Variants in RGS5 observed in about 807,000 individuals in gnomAD.
The protein encoded by RGS5 is regulator of G-protein signalling 5.
A neutral mutation model predicts 18.9 loss-of-function variants in RGS5; 20 were observed. The observed-to-expected ratio is 1.06, with a 90% CI of 0.74 to 1.54. The LOEUF (loss-of-function observed/expected upper bound fraction) is 1.54. RGS5 is among the 40% of genes most tolerant of loss of function. The pLI is 0.00. For missense variants in RGS5, 201 were observed against 211.8 expected, an observed-to-expected ratio of 0.95 and a Z score of 0.32; for synonymous variants, 57 against 76.2, an observed-to-expected ratio of 0.75 and a Z score of 1.31.
At position 163,256,649 on chromosome 1, in the gene RGS5, A is replaced by T. The variant is rs530218053; in HGVS notation, c.-281+49584T>A. On this transcript the variant is annotated intron_variant, in intron 2 of 5. Transcript: ENST00000618415. The stretch of plus-strand genomic sequence containing the variant: ...GGCAATTTGGAAATCAGTTTAAAAG[A>T]TGCTTTTCTCCTAACCTGTCATCCT... Among the ~76,000 whole-genome samples the T allele has an allele frequency of 3.3e-5, 5 of 152,340 alleles. No individual in the cohort carries two copies. In the South Asian group the frequency reaches 1.0e-3, roughly 32 times the overall value.
At chr1:163,172,196 C>T (rs577645750) in intron 1 of RGS5, among the ~76,000 whole-genome samples, 23 of 152,276 alleles carry the variant, frequency 1.5e-4, no homozygotes, top group African/African-American at 5.5e-4. Flanking sequence ...CTATACAGTA[C>T]CTAGCTTGCA....
At chr1:163,258,474 T>C (rs1648336854) in intron 2 of RGS5, among the ~76,000 whole-genome samples, 1 of 152,168 alleles carries the variant, frequency 6.6e-6, no homozygotes, top group African/African-American at 2.4e-5. Flanking sequence ...AACATTTATA[T>C]GTGATTTGGG....
intron 2 of RGS5, among the ~76,000 whole-genome samples, chr1:163,235,458 C>T (rs1462297840): frequency 6.6e-6 from 1 of 152,208 alleles, no homozygotes; most frequent in Non-Finnish European, 1.5e-5. Flanking sequence ...TTACCTCCAG[C>T]CACGGACATG....
intron 2 of RGS5, among the ~76,000 whole-genome samples, chr1:163,223,997 G>A (rs912810021): frequency 9.2e-5 from 14 of 152,128 alleles, no homozygotes; most frequent in Non-Finnish European, 4.4e-5. Context: ...TATATGTTGT[G>A]TAATGATCAA....
chr1:163,179,465 A>G (rs556306344), intron 1 of RGS5, among the ~76,000 whole-genome samples: 55 of 152,216 alleles, frequency 3.6e-4, no homozygotes, highest in Non-Finnish European at 7.2e-4. Flanking sequence ...TCCTGTGCCA[A>G]TGAAGGAAAC....
intron 2 of RGS5, among the ~76,000 whole-genome samples, chr1:163,299,950 T>C (rs7514252): frequency 0.42 from 63,338 of 152,126 alleles, 13,689 homozygotes; most frequent in South Asian, 0.5. Flanking sequence ...TTAAATGACT[T>C]GTGTGTTTTC....
At chr1:163,228,446 A>T (rs1183604180) in intron 2 of RGS5, among the ~76,000 whole-genome samples, 1 of 152,196 alleles carries the variant, frequency 6.6e-6, no homozygotes, top group South Asian at 2.1e-4. Flanking sequence ...GCTGGGATGC[A>T]GGGCACCAAG....
intron 1 of RGS5, among the ~76,000 whole-genome samples, chr1:163,182,968 G>C (rs957481056): frequency 2.8e-5 from 4 of 142,742 alleles, no homozygotes; most frequent in African/African-American, 1.0e-4. Context: ...GGGAGGGAAA[G>C]AGGAGAAATG....
At chr1:163,188,663 G>GA in intron 1 of RGS5, among the ~76,000 whole-genome samples, 1 of 152,200 alleles carries the variant, frequency 6.6e-6, no homozygotes, top group Non-Finnish European at 1.5e-5. Context: ...TGGCGAACTA[G>GA]AAAAAAGTTA....
At position 163,287,103 on chromosome 1, in the gene RGS5, A is replaced by G. The variant is rs950871204; in HGVS notation, c.-281+19130T>C. ...TTTATTTCCTGTGCAATAAGTAAAA[A>G]ATTAGTAATATTGTTCATACTGAAA... On this transcript the variant is annotated intron_variant, in intron 2 of 5. Transcript: ENST00000618415. 2.6e-4 allele frequency among the ~76,000 whole-genome samples: 40 copies of G among 152,292 alleles called. 2 individuals carry two copies. In the South Asian group the frequency reaches 5.2e-3, roughly 20 times the overall value.
chr1:163,278,059 A>G (rs1571336378), intron 2 of RGS5, among the ~76,000 whole-genome samples: 1 of 151,994 alleles, frequency 6.6e-6, no homozygotes, highest in Non-Finnish European at 1.5e-5. Context: ...AAAATTTCAG[A>G]AAAAGAAGAG....
At chr1:163,285,416 G>T (rs10917712) in intron 2 of RGS5, among the ~76,000 whole-genome samples, 3,357 of 151,998 alleles carry the variant, frequency 0.022, 41 homozygotes, top group African/African-American at 0.03. Context: ...TTAGCTGGGC[G>T]TGGTGGCAGG....
At chr1:163,209,773 T>C (rs888653965) in intron 1 of RGS5, among the ~76,000 whole-genome samples, 1 of 152,158 alleles carries the variant, frequency 6.6e-6, no homozygotes, top group Non-Finnish European at 1.5e-5. Flanking sequence ...AGGCTTGCTG[T>C]CATAGCTTCT....
chr1:163,287,927 G>T (rs1299213487), intron 2 of RGS5, among the ~76,000 whole-genome samples: 2 of 152,122 alleles, frequency 1.3e-5, no homozygotes, highest in East Asian at 1.9e-4. Flanking sequence ...GTTGTAATTT[G>T]CACTGCATTC....
intron 2 of RGS5, chr1:163,162,690 A>G (rs1037735803): frequency 6.6e-6 from 1 of 152,188 alleles, no homozygotes; most frequent in Admixed American, 6.5e-5. Context: ...GTTATAGCCA[A>G]CATATAATTT....
At chr1:163,256,468 G>A (rs1171409197) in intron 2 of RGS5, among the ~76,000 whole-genome samples, 4 of 152,178 alleles carry the variant, frequency 2.6e-5, no homozygotes, top group Admixed American at 2.6e-4. Context: ...GAGAAAGAAG[G>A]AGGAAGAAGC....
chr1:163,252,772 G>A (rs773729558), intron 2 of RGS5, among the ~76,000 whole-genome samples: 7 of 152,098 alleles, frequency 4.6e-5, no homozygotes, highest in South Asian at 2.1e-4. Context: ...GGGAATTTTC[G>A]TCTTTATGGG....
chr1:163,178,524 A>C (rs964257249), intron 1 of RGS5, among the ~76,000 whole-genome samples: 1 of 152,102 alleles, frequency 6.6e-6, no homozygotes, highest in Non-Finnish European at 1.5e-5. Context: ...TAGTACGCCT[A>C]ATGAGACTTG....
chr1:163,178,709 A>T lies in RGS5; in HGVS notation c.45-10341T>A, dbSNP rs764358990. Among the ~76,000 whole-genome samples, 59 of 152,316 alleles carry T rather than the reference A, an allele frequency of 3.9e-4. 1 individual carries two copies. Among genetic ancestry groups the T allele is most frequent in the Non-Finnish European group, 4.9e-4 (33 of 68,030 alleles). ...GCATGAAAGGCCCCTACCCCAGCACACACACATACACACACACAAAGATTG... is the reference window on the plus strand; with the variant it reads ...GCATGAAAGGCCCCTACCCCAGCACTCACACATACACACACACAAAGATTG... On this transcript the variant is annotated intron_variant, in intron 1 of 4. Coordinates refer to ENST00000313961, the MANE Select transcript of RGS5 (RefSeq NM_003617.4).
Sources: gnomAD v4.1 joint callset for allele counts (sites outside exome capture counted in the v4.1 genomes callset) on GRCh38, gnomAD v4.1.1 for gene constraint, MANE v1.5 for transcripts, NCBI Gene and HGNC (gene_info 2026-07-23, HGNC 2026-07-21) for gene names.